SCHIP1: variants seen among roughly 807,000 people sequenced by gnomAD.
The protein encoded by SCHIP1 is schwannomin interacting protein 1, also known as schwannomin-interacting protein 1.
A neutral mutation model predicts 29.7 loss-of-function variants in SCHIP1; 8 were observed. The ratio of observed to expected loss-of-function variants is 0.27; its 90% confidence interval spans 0.16 to 0.49. SCHIP1 has a LOEUF of 0.49. Among genes scored for constraint, SCHIP1 ranks in the 20% least tolerant of loss-of-function variants. The probability of loss-of-function intolerance (pLI) is 0.99; values close to 1 mark genes in which losing one functional copy is unlikely to be tolerated. For missense variants in SCHIP1, 193 were observed against 294.6 expected (o/e 0.66, Z 2.52); for synonymous variants, 76 against 94.9 (o/e 0.80, Z 1.16).
the SCHIP1 span, among the ~76,000 whole-genome samples, chr3:159,435,013 C>T: frequency 6.6e-6 from 1 of 152,126 alleles, no homozygotes; most frequent in Middle Eastern, 3.2e-3. Context: ...GACAGCAAGG[C>T]TTGATCACAA....
chr3:159,463,083 A>G, the SCHIP1 span, among the ~76,000 whole-genome samples: 1 of 151,810 alleles, frequency 6.6e-6, no homozygotes, highest in Non-Finnish European at 1.5e-5. Context: ...ACATGGGGAA[A>G]GTCTGTAGAA....
At chr3:159,828,416 TACGTATATATATAC>T in the SCHIP1 span, among the ~76,000 whole-genome samples, 2 of 114,212 alleles carry the variant, frequency 1.8e-5, no homozygotes, top group South Asian at 2.7e-4. Context: ...TACGTATATA[TACGTATATATATAC>T]GTATATATAC....
chr3:159,599,410 T>C, the SCHIP1 span, among the ~76,000 whole-genome samples: 1 of 152,160 alleles, frequency 6.6e-6, no homozygotes, highest in African/African-American at 2.4e-5. Context: ...CTCACCCACC[T>C]CCTGCCCTTT....
the SCHIP1 span, among the ~76,000 whole-genome samples, chr3:159,424,318 G>C: frequency 1.3e-5 from 2 of 152,214 alleles, no homozygotes; most frequent in African/African-American, 4.8e-5. Context: ...TGTATAACTA[G>C]AATAACCAAT....
At chr3:159,411,747 C>T in the SCHIP1 span, among the ~76,000 whole-genome samples, 1 of 152,250 alleles carries the variant, frequency 6.6e-6, no homozygotes, top group East Asian at 1.9e-4. Flanking sequence ...AAATCATATA[C>T]TGAGAATTAC....
the SCHIP1 span, among the ~76,000 whole-genome samples, chr3:159,783,710 G>T: frequency 6.6e-5 from 10 of 152,170 alleles, no homozygotes; most frequent in Admixed American, 6.5e-4. Context: ...TAATGAATTA[G>T]TGTTAAACTT....
At chr3:159,496,867 A>C in the SCHIP1 span, among the ~76,000 whole-genome samples, 7 of 152,336 alleles carry the variant, frequency 4.6e-5, no homozygotes, top group East Asian at 9.6e-4. Flanking sequence ...AATGTCCAAC[A>C]ATGATAGACT....
the SCHIP1 span, among the ~76,000 whole-genome samples, chr3:159,827,232 C>T: frequency 1.3e-5 from 2 of 152,154 alleles, no homozygotes; most frequent in Non-Finnish European, 1.5e-5. Context: ...CATGTCGCTG[C>T]TTAACTCGCC....
the SCHIP1 span, among the ~76,000 whole-genome samples, chr3:159,407,517 C>A: frequency 6.6e-6 from 1 of 152,132 alleles, no homozygotes; most frequent in Non-Finnish European, 1.5e-5. Context: ...ACTTAATCTG[C>A]ACTATAGACC....
At chr3:159,882,864 C>T (rs1169384842) in intron 2 of SCHIP1, among the ~76,000 whole-genome samples, 1 of 152,204 alleles carries the variant, frequency 6.6e-6, no homozygotes, top group Non-Finnish European at 1.5e-5. Flanking sequence ...GCTGTGCAGC[C>T]TCCCGACCAA....
At chr3:159,390,703 C>A in the SCHIP1 span, among the ~76,000 whole-genome samples, 1 of 152,076 alleles carries the variant, frequency 6.6e-6, no homozygotes, top group Non-Finnish European at 1.5e-5. Flanking sequence ...TAAATTTCAA[C>A]AAAACAGACT....
chr3:159,765,233 C>G, the SCHIP1 span: 6 of 1,368,100 alleles, frequency 4.4e-6, no homozygotes, highest in African/African-American at 4.6e-5. Context: ...CGCCCGCCCG[C>G]GGCCCCATTC....
the SCHIP1 span, among the ~76,000 whole-genome samples, chr3:159,548,406 C>G: frequency 6.6e-6 from 1 of 151,836 alleles, no homozygotes. Flanking sequence ...TCAGCTCATT[C>G]TTTTTCTAAG....
At chr3:159,711,938 G>T in the SCHIP1 span, among the ~76,000 whole-genome samples, 1 of 151,388 alleles carries the variant, frequency 6.6e-6, no homozygotes, top group Non-Finnish European at 1.5e-5. Flanking sequence ...GGATTAGGAA[G>T]ATATTGCTGC....
the SCHIP1 span, among the ~76,000 whole-genome samples, chr3:159,407,543 A>G: frequency 6.6e-6 from 1 of 152,216 alleles, no homozygotes; most frequent in African/African-American, 2.4e-5. Flanking sequence ...GACCCAATAG[A>G]TATTTACAGA....
At chr3:159,390,535 A>C in the SCHIP1 span, among the ~76,000 whole-genome samples, 184 of 152,252 alleles carry the variant, frequency 1.2e-3, 1 homozygote, top group African/African-American at 4.2e-3. Context: ...ACACGAAAAA[A>C]ATTGAGGCAT....
chr3:159,295,415 C>T, the SCHIP1 span, among the ~76,000 whole-genome samples: 3 of 151,904 alleles, frequency 2.0e-5, no homozygotes, highest in Non-Finnish European at 2.9e-5. Flanking sequence ...GGTGACAGAG[C>T]GAGACTCCAT....
chr3:159,696,359 T>C, the SCHIP1 span, among the ~76,000 whole-genome samples: 1 of 152,102 alleles, frequency 6.6e-6, no homozygotes, highest in East Asian at 1.9e-4. Context: ...CTTCTTTCTG[T>C]GAATAGTGAA....
At chr3:159,675,825 A>G in the SCHIP1 span, among the ~76,000 whole-genome samples, 2 of 152,162 alleles carry the variant, frequency 1.3e-5, no homozygotes, top group African/African-American at 2.4e-5. Flanking sequence ...TGGGCTCAGA[A>G]GTGTGTGTTA....
Sources: allele counts gnomAD v4.1 joint callset (sites outside exome capture counted in the v4.1 genomes callset), GRCh38; gene constraint gnomAD v4.1.1; transcripts MANE v1.5; gene names NCBI Gene and HGNC (gene_info 2026-07-23, HGNC 2026-07-21).